TRHDE: variants seen among roughly 807,000 people sequenced by gnomAD.
TRHDE encodes thyrotropin-releasing hormone-degrading ectoenzyme.
In TRHDE, 72 loss-of-function variants were observed where a neutral mutation model predicts 125.7. That is an observed-to-expected ratio of 0.57 (90% confidence interval 0.47 to 0.70). The LOEUF is 0.70. Among genes scored for constraint, TRHDE ranks in the 30% least tolerant of loss-of-function variants. The pLI is 0.00. For missense variants in TRHDE, 1,110 were observed against 1,327.1 expected (o/e 0.84, Z 2.54); for synonymous variants, 509 against 509.1 (o/e 1.00, Z 0.00).
At chr12:72,265,687 TAAAAC>T (rs879699942) in intron 2 of TRHDE, among the ~76,000 whole-genome samples, 2 of 151,908 alleles carry the variant, frequency 1.3e-5, no homozygotes, top group Non-Finnish European at 2.9e-5. Context: ...GGTTTTAAAA[TAAAAC>T]AATTATAATT....
chr12:72,463,118 G>C (rs1183685623), intron 3 of TRHDE, among the ~76,000 whole-genome samples: 1 of 152,168 alleles, frequency 6.6e-6, no homozygotes, highest in East Asian at 1.9e-4. Flanking sequence ...GACCAGTGCT[G>C]CTTTTCAGGA....
At chr12:72,100,998 AGTAAATGAAGG>A (rs1875054242) in intron 1 of TRHDE, among the ~76,000 whole-genome samples, 1 of 152,236 alleles carries the variant, frequency 6.6e-6, no homozygotes, top group Non-Finnish European at 1.5e-5. Context: ...CAAATTCAGA[AGTAAATGAAGG>A]GTAAAGTGAT....
At chr12:72,526,051 G>A (rs1207836107) in intron 6 of TRHDE, among the ~76,000 whole-genome samples, 1 of 151,832 alleles carries the variant, frequency 6.6e-6, no homozygotes, top group Admixed American at 6.6e-5. Flanking sequence ...TGTTTGATTG[G>A]CCTCCATTTT....
intron 5 of TRHDE, among the ~76,000 whole-genome samples, chr12:72,494,494 G>C (rs909239984): frequency 6.6e-6 from 1 of 151,888 alleles, no homozygotes; most frequent in Admixed American, 6.6e-5. Context: ...CTTTTTGGTT[G>C]GTTGTTTTTT....
At chr12:72,260,964 GTTGGTAAATTACT>G in intron 2 of TRHDE, among the ~76,000 whole-genome samples, 2 of 152,224 alleles carry the variant, frequency 1.3e-5, no homozygotes, top group Middle Eastern at 6.8e-3. Flanking sequence ...TTTGACAGTC[GTTGGTAAATTACT>G]TTCCACAAGG....
intron 2 of TRHDE, among the ~76,000 whole-genome samples, chr12:72,243,613 A>G (rs1371137479): frequency 6.6e-6 from 1 of 152,196 alleles, no homozygotes; most frequent in Admixed American, 6.5e-5. Context: ...TTGAAATGTG[A>G]CTACAAGTAA....
intron 10 of TRHDE, among the ~76,000 whole-genome samples, chr12:72,574,343 G>A (rs1328162958): frequency 6.6e-6 from 1 of 151,892 alleles, no homozygotes; most frequent in Non-Finnish European, 1.5e-5. Context: ...AGACCCATGT[G>A]GTTTTGATTT....
chr12:72,271,630 C>A (rs535833206), upstream of TRHDE, among the ~76,000 whole-genome samples: 6 of 152,298 alleles, frequency 3.9e-5, no homozygotes, highest in African/African-American at 1.4e-4. Context: ...TGCCTCCTCG[C>A]GCGCTCCCTC....
Position 72,567,153 on chromosome 12 carries a change from G to A in TRHDE, c.2043-1415G>A, listed in dbSNP as rs1180338057. Among the ~76,000 whole-genome samples, 3 of 135,862 alleles carry A rather than the reference G, an allele frequency of 2.2e-5. No individual in the cohort carries two copies. The South Asian group carries it at 6.4e-4, about 29-fold the overall frequency. The allele number at this position is 135,862 out of a possible 152,430, so 89.1% of individuals were successfully genotyped here. On this transcript the variant is annotated intron_variant, in intron 9 of 18. Transcript: ENST00000261180. Reference sequence around the variant, plus strand: ...TTTTTAAACCTATATTGAAAGCTTGGAAGTATTTGTTAAAGAGTTTACATG... The same window carrying A: ...TTTTTAAACCTATATTGAAAGCTTGAAAGTATTTGTTAAAGAGTTTACATG...
At chr12:72,636,300 T>G (rs1177952388) in intron 15 of TRHDE, among the ~76,000 whole-genome samples, 1 of 150,616 alleles carries the variant, frequency 6.6e-6, no homozygotes, top group Non-Finnish European at 1.5e-5. Context: ...TTTGGCTCTC[T>G]GTTTGTCTGT....
rs777139703 is a variant in TRHDE at position 72,300,612 on chromosome 12, C to CGT, written c.1188+13671_1188+13672dup. On this transcript the variant is annotated intron_variant, in intron 2 of 18. Transcript: ENST00000261180. ...TACTGAGCAGCTCAAAGATGTATAG[C>CGT]GTGTGTGTGTGTGTATATATATGTT... Among the ~76,000 whole-genome samples, 32 of 149,294 alleles carry CGT rather than the reference C, an allele frequency of 2.1e-4. No homozygotes were observed. In the East Asian group the frequency reaches 3.5e-3, roughly 17 times the overall value.
intron 9 of TRHDE, among the ~76,000 whole-genome samples, chr12:72,564,319 G>C (rs143999374): frequency 7.9e-5 from 12 of 152,226 alleles, no homozygotes; most frequent in Admixed American, 2.6e-4. Context: ...TCTGGCCCCA[G>C]GCAAAACAAG....
At chr12:72,587,057 G>C (rs1871470511) in intron 12 of TRHDE, among the ~76,000 whole-genome samples, 1 of 152,134 alleles carries the variant, frequency 6.6e-6, no homozygotes. Flanking sequence ...AAAGTTAATT[G>C]TGTAAGCTGA....
chr12:72,267,885 A>C (rs1048324540), upstream of TRHDE, among the ~76,000 whole-genome samples: 2 of 152,044 alleles, frequency 1.3e-5, no homozygotes, highest in African/African-American at 2.4e-5. Context: ...GCTGATTTTA[A>C]ATAATTCTTT....
intron 7 of TRHDE, among the ~76,000 whole-genome samples, chr12:72,556,990 C>CT (rs1339719442): frequency 1.3e-5 from 2 of 152,138 alleles, no homozygotes; most frequent in African/African-American, 4.8e-5. Context: ...GTTGTCCTCT[C>CT]TTTTTTATTA....
chr12:72,344,005 T>A (rs1433860655), intron 2 of TRHDE, among the ~76,000 whole-genome samples: 2 of 151,866 alleles, frequency 1.3e-5, no homozygotes, highest in African/African-American at 4.8e-5. Context: ...ATATATATTA[T>A]TTTTCACTGG....
intron 2 of TRHDE, among the ~76,000 whole-genome samples, chr12:72,216,639 G>A (rs751598258): frequency 5.9e-5 from 9 of 152,114 alleles, no homozygotes; most frequent in Non-Finnish European, 1.2e-4. Context: ...CACAGAACAC[G>A]TTCTAGTAAT....
chr12:72,618,575 TA>T lies in TRHDE; in HGVS notation c.2322-314del, dbSNP rs138917307. On this transcript the variant is annotated intron_variant, in intron 12 of 18. Transcript: ENST00000261180. ...TGATCAATTATTTTCAATTGCTTGTTAACCTCTGAAGAGTTTCTGTGAAGGA... is the reference window on the plus strand; with the variant it reads ...TGATCAATTATTTTCAATTGCTTGTTACCTCTGAAGAGTTTCTGTGAAGGA... Among the ~76,000 whole-genome samples the T allele has an allele frequency of 2.0e-4, 30 of 152,256 alleles. 1 individual carries two copies. The highest frequency in any genetic ancestry group is 8.3e-4 in the South Asian group (4 of 4,828).
chr12:72,262,202 C>A (rs1043227071), intron 2 of TRHDE, among the ~76,000 whole-genome samples: 2 of 152,144 alleles, frequency 1.3e-5, no homozygotes, highest in African/African-American at 4.8e-5. Context: ...ATTTCAGGAG[C>A]ATTAACATTT....
Sources: allele counts gnomAD v4.1 joint callset (sites outside exome capture counted in the v4.1 genomes callset), GRCh38; gene constraint gnomAD v4.1.1; transcripts MANE v1.5; gene names NCBI Gene and HGNC (gene_info 2026-07-23, HGNC 2026-07-21).